Variants in ZNF407 observed in about 807,000 individuals in gnomAD.
The protein encoded by ZNF407 is zinc finger protein 407.
A neutral mutation model predicts 131.2 loss-of-function variants in ZNF407; 17 were observed. That is an observed-to-expected ratio of 0.13 (90% CI 0.09 to 0.19). ZNF407 has a LOEUF of 0.19. Ranked by LOEUF, ZNF407 falls within the 10% of genes least tolerant of loss-of-function variation. The probability of loss-of-function intolerance (pLI) is 1.00; values close to 1 mark genes in which losing one functional copy is unlikely to be tolerated. For synonymous variants in ZNF407, 1,156 were observed against 1,062.0 expected (o/e 1.09, Z -1.72); for missense variants, 2,681 against 2,830.6 (o/e 0.95, Z 1.20).
chr18:75,003,660 T>G (rs1972873654), intron 8 of ZNF407, among the ~76,000 whole-genome samples: 2 of 152,226 alleles, frequency 1.3e-5, no homozygotes, highest in East Asian at 3.8e-4. Context: ...GTAAGCATGT[T>G]CAGGAGGTCA....
At chr18:74,677,097 T>C (rs1046183705) in intron 3 of ZNF407, among the ~76,000 whole-genome samples, 1 of 152,306 alleles carries the variant, frequency 6.6e-6, no homozygotes, top group Non-Finnish European at 1.5e-5. Context: ...CTTTCTTCTA[T>C]TTTTCTTTTT....
At chr18:74,708,757 C>G (rs990603618) in intron 3 of ZNF407, among the ~76,000 whole-genome samples, 1 of 152,202 alleles carries the variant, frequency 6.6e-6, no homozygotes, top group Non-Finnish European at 1.5e-5. Context: ...ACAGGAACCC[C>G]GCACGCGGCT....
chr18:74,927,489 T>C lies in ZNF407; in HGVS notation c.5428+6797T>C, dbSNP rs561312879. On this transcript the variant is annotated intron_variant, in intron 8 of 8. Transcript: ENST00000299687. ...TACCTCTCCTGCCTAGTACAGAGCC[T>C]GTGGCACAGACGGATGGATGGAGTC... 2.6e-5 allele frequency among the ~76,000 whole-genome samples: 4 copies of C among 152,360 alleles called. No homozygotes were observed. In the South Asian group the frequency reaches 8.3e-4, roughly 32 times the overall value.
At chr18:74,736,275 T>G (rs1968409750) in intron 3 of ZNF407, among the ~76,000 whole-genome samples, 1 of 152,192 alleles carries the variant, frequency 6.6e-6, no homozygotes, top group South Asian at 2.1e-4. Flanking sequence ...GCAAAATATT[T>G]TAGGTAGAAT....
At chr18:74,854,301 T>A (rs1970829480) in intron 4 of ZNF407, among the ~76,000 whole-genome samples, 1 of 152,216 alleles carries the variant, frequency 6.6e-6, no homozygotes, top group Admixed American at 6.5e-5. Flanking sequence ...TAAGATTACT[T>A]GGTATTCTAA....
rs922681542 is a variant in ZNF407, at chr18:74,860,882, A to G, written c.4878-16315A>G. Among the ~76,000 whole-genome samples the G allele has an allele frequency of 4.6e-4, 70 of 152,266 alleles. 1 individual carries two copies. Among genetic ancestry groups the G allele is most frequent in the African/African-American group, 1.6e-3 (65 of 41,560 alleles). On this transcript the variant is annotated intron_variant, in intron 4 of 8. Coordinates refer to ENST00000299687, the MANE Select transcript of ZNF407 (RefSeq NM_017757.3). ...AAAATAGTAACACTTATGTATTACC[A>G]TTATGTTTTGTGTGATTGTGTTTCA...
At chr18:74,696,932 T>C (rs924041455) in intron 3 of ZNF407, among the ~76,000 whole-genome samples, 11 of 152,198 alleles carry the variant, frequency 7.2e-5, no homozygotes, top group African/African-American at 2.4e-4. Context: ...AAAAAACAAA[T>C]AAAAACACAG....
At chr18:74,707,276 A>C (rs1285609318) in intron 3 of ZNF407, among the ~76,000 whole-genome samples, 1 of 151,720 alleles carries the variant, frequency 6.6e-6, no homozygotes, top group Non-Finnish European at 1.5e-5. Flanking sequence ...TACCCAATAC[A>C]CTCTGTGTAC....
intron 4 of ZNF407, among the ~76,000 whole-genome samples, chr18:74,828,392 G>A (rs1230639163): frequency 6.6e-6 from 1 of 152,106 alleles, no homozygotes; most frequent in Non-Finnish European, 1.5e-5. Context: ...GCAATGCTGT[G>A]GCCAGGAAAA....
At chr18:74,751,444 A>G (rs1968799181) in intron 3 of ZNF407, among the ~76,000 whole-genome samples, 1 of 152,094 alleles carries the variant, frequency 6.6e-6, no homozygotes, top group Non-Finnish European at 1.5e-5. Flanking sequence ...ACATATGTAT[A>G]CATGTGCCAT....
chr18:74,731,956 AATC>A (rs917484736), intron 3 of ZNF407, among the ~76,000 whole-genome samples: 2 of 152,302 alleles, frequency 1.3e-5, no homozygotes, highest in Admixed American at 6.5e-5. Context: ...AACAGAAAGA[AATC>A]ATCAGGATCA....
At position 74,732,858 on chromosome 18, in the gene ZNF407, A is replaced by G. The variant is rs796778941; in HGVS notation, c.4803-48570A>G. 5.9e-5 allele frequency among the ~76,000 whole-genome samples: 9 copies of G among 152,190 alleles called. 1 individual carries two copies. Among genetic ancestry groups the G allele is most frequent in the African/African-American group, 2.2e-4 (9 of 41,562 alleles). ...TGAGTGTTTACATTGTTACATTTTG[A>G]AATCTATTCAATATTTAAAGTGTGT... On this transcript the variant is annotated intron_variant, in intron 3 of 8. Transcript: ENST00000299687.
At chr18:75,058,798 A>G (rs1217515009) in intron 8 of ZNF407, among the ~76,000 whole-genome samples, 1 of 152,222 alleles carries the variant, frequency 6.6e-6, no homozygotes, top group Non-Finnish European at 1.5e-5. Context: ...TAGCCCAGTT[A>G]GGGTTTAAAG....
At chr18:74,967,629 T>C (rs903197915) in intron 8 of ZNF407, among the ~76,000 whole-genome samples, 1 of 152,222 alleles carries the variant, frequency 6.6e-6, no homozygotes, top group African/African-American at 2.4e-5. Flanking sequence ...GCAGGTCTTG[T>C]CTATGTGCAT....
At chr18:74,696,509 T>A (rs1440447122) in intron 3 of ZNF407, among the ~76,000 whole-genome samples, 1 of 152,160 alleles carries the variant, frequency 6.6e-6, no homozygotes, top group African/African-American at 2.4e-5. Flanking sequence ...TTCGGAGCAA[T>A]GACTGTATTA....
At chr18:74,726,740 T>A (rs1286144383) in intron 3 of ZNF407, among the ~76,000 whole-genome samples, 1 of 152,190 alleles carries the variant, frequency 6.6e-6, no homozygotes, top group African/African-American at 2.4e-5. Flanking sequence ...ACTAAATTAG[T>A]ACACATTAGT....
intron 4 of ZNF407, among the ~76,000 whole-genome samples, chr18:74,851,276 C>T (rs911812230): frequency 2.0e-5 from 3 of 152,156 alleles, no homozygotes; most frequent in Non-Finnish European, 4.4e-5. Flanking sequence ...CGCGAGTTCT[C>T]GCTATTCCTG....
intron 3 of ZNF407, among the ~76,000 whole-genome samples, chr18:74,667,931 T>G (rs1285662533): frequency 6.6e-6 from 1 of 152,180 alleles, no homozygotes; most frequent in African/African-American, 2.4e-5. Context: ...GAATGTGTTA[T>G]TTTTTACAAT....
intron 8 of ZNF407, among the ~76,000 whole-genome samples, chr18:75,057,553 G>A (rs2122281162): frequency 6.6e-6 from 1 of 152,206 alleles, no homozygotes; most frequent in South Asian, 2.1e-4. Context: ...AGTGGTGTTA[G>A]ATAAGTTTTA....
Sources: gnomAD v4.1 joint callset for allele counts (sites outside exome capture counted in the v4.1 genomes callset) on GRCh38, gnomAD v4.1.1 for gene constraint, MANE v1.5 for transcripts, NCBI Gene and HGNC (gene_info 2026-07-23, HGNC 2026-07-21) for gene names.